GPRC5D: variants seen among roughly 807,000 people sequenced by gnomAD.
The protein encoded by GPRC5D is G protein-coupled receptor family C group 5 member D.
GPRC5D carries 20 observed loss-of-function variants against 29.3 expected under a neutral mutation model. That is an observed-to-expected ratio of 0.68 (90% confidence interval 0.48 to 0.99). The LOEUF is 0.99. Among genes scored for constraint, GPRC5D ranks in the 50% least tolerant of loss-of-function variants. The pLI is 0.00. For synonymous variants in GPRC5D, 178 were observed against 171.3 expected, an observed-to-expected ratio of 1.04 and a Z score of -0.30; for missense variants, 384 against 423.6, an observed-to-expected ratio of 0.91 and a Z score of 0.82.
chr12:12,940,738 G>A (rs758292910), downstream of GPRC5D: 1 of 1,273,644 alleles, frequency 7.9e-7, no homozygotes, highest in South Asian at 1.2e-5. Flanking sequence ...ACCCAGGACG[G>A]TCTGCTGGGT....
At chr12:12,944,822 C>CT (rs1300000278) in intron 1 of GPRC5D, among the ~76,000 whole-genome samples, 72 of 18,668 alleles carry the variant, frequency 3.9e-3, no homozygotes, top group African/African-American at 8.4e-3. Context: ...TCCTTCCTTC[C>CT]TTCCTTCCTT....
At chr12:12,950,918 AAC>A (rs1863480126), upstream of GPRC5D, among the ~76,000 whole-genome samples, 1 of 152,086 alleles carries the variant, frequency 6.6e-6, no homozygotes, top group Admixed American at 6.6e-5. Context: ...CAGCCTGGCC[AAC>A]ATGGTGAAAC....
chr12:12,944,734 CACCTTTCTTCCTTCCTTCCT>C (rs1863230525), intron 1 of GPRC5D, among the ~76,000 whole-genome samples: 1 of 149,670 alleles, frequency 6.7e-6, no homozygotes, highest in African/African-American at 2.5e-5. Flanking sequence ...AGTACTGTGA[CACCTTTCTTCCTTCCTTCCT>C]TCCTTTCTTC....
chr12:12,951,827 TC>T (rs1486881722), upstream of GPRC5D, among the ~76,000 whole-genome samples: 1 of 152,168 alleles, frequency 6.6e-6, no homozygotes. Flanking sequence ...TTCAAGTCAA[TC>T]CAATGCAGCA....
At chr12:12,950,401 G>A (rs1863465284), upstream of GPRC5D, 2 of 1,555,394 alleles carry the variant, frequency 1.3e-6, no homozygotes, top group Non-Finnish European at 1.7e-6. Context: ...TTATGGGTGT[G>A]GACCTCACCA....
chr12:12,950,157 G>A (rs767773346), exon 1 of GPRC5D: 38 of 1,613,934 alleles, frequency 2.4e-5, no homozygotes, highest in Non-Finnish European at 3.0e-5. Flanking sequence ...AGGCAAAAGC[G>A]AGTCCGAAGA....
In GPRC5D at chr12:12,949,515, T is replaced by C. The variant is rs200857542; in HGVS notation, c.870A>G (p.Gln290=). The change falls in exon 1 of 3, where the codon CAA becomes CAG. Residue 290 remains glutamine, a synonymous_variant. Coordinates refer to ENST00000228887, the Ensembl canonical transcript of GPRC5D. ...CTCTGGAGAGCTCCTGGTTCTCCAC[T>C]TGGAAGCTGTGTTGGTAGGCTGTGA... 3 of 1,613,874 alleles carry C rather than the reference T, an allele frequency of 1.9e-6. No individual in the cohort carries two copies. The African/African-American group carries it at 4.0e-5, about 22-fold the overall frequency.
At chr12:12,940,934 CAG>C in intron 2 of GPRC5D, 85 bp from the exon 4 acceptor site, 1 of 900,128 alleles carries the variant, frequency 1.1e-6, no homozygotes, top group Non-Finnish European at 1.8e-6. Flanking sequence ...TTTTTTGAGA[CAG>C]AGTCTTGCTC....
At chr12:12,949,773 C>T (rs141875913) in exon 1 of GPRC5D, 15 of 1,614,024 alleles carry the variant, frequency 9.3e-6, no homozygotes, top group Non-Finnish European at 1.2e-5. Flanking sequence ...TAAAGATGAG[C>T]CTTCCATGCT....
chr12:12,944,840 TCCTTCCTTCC>T (rs1565477342), intron 1 of GPRC5D, among the ~76,000 whole-genome samples: 20 of 39,602 alleles, frequency 5.1e-4, no homozygotes, highest in South Asian at 1.3e-3. Context: ...CTTCCTTCCT[TCCTTCCTTCC>T]TTCTTTCTTT....
chr12:12,950,028 C>G (rs1313095302), exon 1 of GPRC5D: 1 of 1,614,056 alleles, frequency 6.2e-7, no homozygotes, highest in East Asian at 2.2e-5. Flanking sequence ...AGACACAACC[C>G]CGAACCAGCT....
intron 1 of GPRC5D, among the ~76,000 whole-genome samples, chr12:12,946,215 A>G (rs770481348): frequency 6.6e-6 from 1 of 152,042 alleles, no homozygotes; most frequent in Non-Finnish European, 1.5e-5. Flanking sequence ...CAACAGGACA[A>G]CCGCCTCTTG....
intron 1 of GPRC5D, among the ~76,000 whole-genome samples, chr12:12,949,116 T>C (rs1863422826): frequency 6.6e-6 from 1 of 152,226 alleles, no homozygotes; most frequent in Non-Finnish European, 1.5e-5. Context: ...CCAATACATC[T>C]GGACTTAACA....
At chr12:12,941,549 A>C (rs146493046) in intron 2 of GPRC5D, among the ~76,000 whole-genome samples, 317 of 152,302 alleles carry the variant, frequency 2.1e-3, no homozygotes, top group African/African-American at 7.4e-3. Flanking sequence ...TGGCCTAGTA[A>C]ATTCATTGAA....
exon 1 of GPRC5D, chr12:12,950,362 G>A (rs1044685596): frequency 6.2e-7 from 1 of 1,607,746 alleles, no homozygotes; most frequent in Non-Finnish European, 8.5e-7. Flanking sequence ...GTCTCCAGTG[G>A]ACTCGATGCA....
At chr12:12,948,359 C>T (rs1332275721) in intron 1 of GPRC5D, 1 of 153,896 alleles carries the variant, frequency 6.5e-6, no homozygotes, top group African/African-American at 2.4e-5. Flanking sequence ...CAATTTCCAA[C>T]TTTTGGTCAA....
intron 1 of GPRC5D, among the ~76,000 whole-genome samples, chr12:12,944,203 A>G (rs981498356): frequency 6.6e-6 from 1 of 152,104 alleles, no homozygotes; most frequent in Non-Finnish European, 1.5e-5. Context: ...TCCTGGACTC[A>G]AGTGATCCAT....
chr12:12,950,982 C>T (rs559344922), upstream of GPRC5D, among the ~76,000 whole-genome samples: 72 of 151,898 alleles, frequency 4.7e-4, no homozygotes, highest in African/African-American at 1.4e-3. Context: ...TGATGGCATG[C>T]GCTTATATTC....
upstream of GPRC5D, among the ~76,000 whole-genome samples, chr12:12,951,234 A>G (rs1196742584): frequency 6.6e-6 from 1 of 152,172 alleles, no homozygotes; most frequent in Non-Finnish European, 1.5e-5. Context: ...GGGCACTGTA[A>G]TTTCTCTCAT....
Sources: gnomAD v4.1 joint callset for allele counts (sites outside exome capture counted in the v4.1 genomes callset) on GRCh38, gnomAD v4.1.1 for gene constraint, MANE v1.5 for transcripts, NCBI Gene and HGNC (gene_info 2026-07-23, HGNC 2026-07-21) for gene names.